ST8SIA6: variants seen among roughly 807,000 people sequenced by gnomAD.
The protein encoded by ST8SIA6 is ST8 alpha-N-acetyl-neuraminide alpha-2,8-sialyltransferase 6, also known as alpha-2,8-sialyltransferase 8F.
Under a neutral mutation model 33.6 loss-of-function variants are expected in ST8SIA6, and 39 were observed. The ratio of observed to expected loss-of-function variants is 1.16; its 90% CI spans 0.90 to 1.52. ST8SIA6 has a LOEUF of 1.52. ST8SIA6 is among the 40% of genes most tolerant of loss of function. The pLI, the probability that ST8SIA6 is intolerant of heterozygous loss-of-function variation, is 0.00. For synonymous variants in ST8SIA6, 172 were observed against 167.2 expected, an observed-to-expected ratio of 1.03 and a Z score of -0.22; for missense variants, 441 against 443.8, an observed-to-expected ratio of 0.99 and a Z score of 0.06.
At chr10:17,397,233 G>GTTTTTTTTTTT (rs34049805) in intron 2 of ST8SIA6, among the ~76,000 whole-genome samples, 3 of 124,250 alleles carry the variant, frequency 2.4e-5, no homozygotes, top group African/African-American at 6.1e-5. Context: ...ATTGTTTTTT[G>GTTTTTTTTTTT]TTTTTTTTTT....
At chr10:17,354,760 T>G (rs1486307137) in intron 4 of ST8SIA6, among the ~76,000 whole-genome samples, 1 of 152,126 alleles carries the variant, frequency 6.6e-6, no homozygotes, top group Admixed American at 6.5e-5. Flanking sequence ...GCCAGAAAGA[T>G]CCTTAGAAAT....
chr10:17,370,510 C>T (rs1849697928), intron 3 of ST8SIA6, among the ~76,000 whole-genome samples: 1 of 151,986 alleles, frequency 6.6e-6, no homozygotes, highest in Non-Finnish European at 1.5e-5. Context: ...TGTGGTTGCT[C>T]TAAGGTTTAC....
intron 2 of ST8SIA6, among the ~76,000 whole-genome samples, chr10:17,417,385 A>G (rs1851636806): frequency 6.6e-6 from 1 of 151,960 alleles, no homozygotes; most frequent in Admixed American, 6.6e-5. Flanking sequence ...CTGCTTCTCA[A>G]ATATGCCATG....
intron 2 of ST8SIA6, among the ~76,000 whole-genome samples, chr10:17,432,845 A>G (rs1414628644): frequency 6.6e-6 from 1 of 152,252 alleles, no homozygotes; most frequent in Non-Finnish European, 1.5e-5. Context: ...CCATACTTCA[A>G]CGACTCATAG....
intron 4 of ST8SIA6, among the ~76,000 whole-genome samples, chr10:17,352,971 A>T (rs1849081998): frequency 6.6e-6 from 1 of 152,182 alleles, no homozygotes; most frequent in Non-Finnish European, 1.5e-5. Context: ...AATTAAAAAA[A>T]AATAAAATAT....
chr10:17,399,641 G>T (rs543984905), intron 2 of ST8SIA6, among the ~76,000 whole-genome samples: 1 of 152,136 alleles, frequency 6.6e-6, no homozygotes, highest in Non-Finnish European at 1.5e-5. Flanking sequence ...AATCAGCCAG[G>T]TGTGGTGGCT....
chr10:17,382,097 T>C (rs1850170626), intron 3 of ST8SIA6, among the ~76,000 whole-genome samples: 1 of 152,188 alleles, frequency 6.6e-6, no homozygotes, highest in African/African-American at 2.4e-5. Context: ...TTTTCATAAA[T>C]AATCTAGGTA....
chr10:17,452,151 T>C (rs1852935856), intron 2 of ST8SIA6, among the ~76,000 whole-genome samples: 1 of 152,156 alleles, frequency 6.6e-6, no homozygotes, highest in South Asian at 2.1e-4. Context: ...CCAACCTGAA[T>C]AGAATAAAAC....
At chr10:17,336,254 G>C (rs941014302) in intron 4 of ST8SIA6, among the ~76,000 whole-genome samples, 1 of 152,058 alleles carries the variant, frequency 6.6e-6, no homozygotes, top group African/African-American at 2.4e-5. Flanking sequence ...GCCGCACTGG[G>C]CCTTTTTCTT....
intron 3 of ST8SIA6, among the ~76,000 whole-genome samples, chr10:17,373,891 T>C (rs11254563): frequency 0.37 from 56,349 of 151,906 alleles, 10,685 homozygotes; most frequent in East Asian, 0.59. Flanking sequence ...AGCAAGCCAG[T>C]GTTTCCATTT....
chr10:17,448,911 C>G (rs546567967), intron 2 of ST8SIA6, among the ~76,000 whole-genome samples: 2 of 150,460 alleles, frequency 1.3e-5, no homozygotes, highest in East Asian at 1.9e-4. Context: ...TGAGCCATTG[C>G]GCCCGGCCGG....
intron 2 of ST8SIA6, among the ~76,000 whole-genome samples, chr10:17,446,499 G>T (rs1423175385): frequency 6.6e-6 from 1 of 152,106 alleles, no homozygotes; most frequent in Non-Finnish European, 1.5e-5. Context: ...TAATTGTAAA[G>T]AATAAAAATG....
At chr10:17,433,377 G>C (rs1366579940) in intron 2 of ST8SIA6, among the ~76,000 whole-genome samples, 1 of 152,186 alleles carries the variant, frequency 6.6e-6, no homozygotes, top group Non-Finnish European at 1.5e-5. Context: ...GATTAAAGAT[G>C]TAAGATAGAG....
chr10:17,451,957 C>G (rs1852927457), intron 2 of ST8SIA6, among the ~76,000 whole-genome samples: 1 of 151,998 alleles, frequency 6.6e-6, no homozygotes, highest in African/African-American at 2.4e-5. Context: ...AGAAGTATGT[C>G]AAAAGAAAGT....
Position 17,394,843 on chromosome 10 carries a change from G to T in ST8SIA6, c.201-4223C>A, listed in dbSNP as rs1202167934. 7.2e-5 allele frequency among the ~76,000 whole-genome samples: 11 copies of T among 152,254 alleles called. No individual in the cohort carries two copies. The East Asian group carries it at 1.9e-3, about 27-fold the overall frequency. On this transcript the variant is annotated intron_variant, in intron 2 of 7. Transcript: ENST00000377602. Reference sequence around the variant, plus strand: ...AACATCTCTCAGACAAGTCATAGGGGATTGAGAGAAATTGATCCAGGTGAA... The same window carrying T: ...AACATCTCTCAGACAAGTCATAGGGTATTGAGAGAAATTGATCCAGGTGAA...
intron 4 of ST8SIA6, among the ~76,000 whole-genome samples, chr10:17,336,620 G>T (rs1338279027): frequency 7.0e-6 from 1 of 142,188 alleles, no homozygotes; most frequent in Non-Finnish European, 1.5e-5. Context: ...TTGAGGTGGA[G>T]TCTCACTACC....
intron 2 of ST8SIA6, among the ~76,000 whole-genome samples, chr10:17,444,863 A>G (rs1196751014): frequency 2.0e-5 from 3 of 152,238 alleles, no homozygotes; most frequent in South Asian, 2.1e-4. Flanking sequence ...GGAATTAGGA[A>G]GTAGAAAAAG....
In ST8SIA6 at chr10:17,323,217, A is replaced by G. The variant is rs549337509; in HGVS notation, c.636-60T>C. ...AACTTGTAGAAAAAAGATTGTATAC[A>G]CACATATGCGCGCACACACACACAC... On this transcript the variant is annotated intron_variant, in intron 6 of 7. Transcript: ENST00000377602. 6.8e-6 allele frequency: 8 copies of G among 1,168,626 alleles called. No homozygotes were observed. The African/African-American group carries it at 1.4e-4, about 20-fold the overall frequency. 72.4% of individuals were successfully genotyped at this position (1,168,626 alleles called of 1,614,324 possible).
chr10:17,444,230 C>A (rs185140565), intron 2 of ST8SIA6, among the ~76,000 whole-genome samples: 148 of 152,258 alleles, frequency 9.7e-4, no homozygotes, highest in Non-Finnish European at 4.1e-4. Flanking sequence ...GACCAGACAA[C>A]GCTACCCAAC....
Sources: gnomAD v4.1 joint callset for allele counts (sites outside exome capture counted in the v4.1 genomes callset) on GRCh38, gnomAD v4.1.1 for gene constraint, MANE v1.5 for transcripts, NCBI Gene and HGNC (gene_info 2026-07-23, HGNC 2026-07-21) for gene names.